FLT3: variants seen among roughly 807,000 people sequenced by gnomAD.
FLT3 encodes receptor-type tyrosine-protein kinase FLT3.
Under a neutral mutation model 126.6 loss-of-function variants are expected in FLT3, and 46 were observed. The ratio of observed to expected loss-of-function variants is 0.36; its 90% CI spans 0.29 to 0.46. The LOEUF is 0.46. Ranked by LOEUF, FLT3 falls within the 20% of genes least tolerant of loss-of-function variation. FLT3 has a pLI of 1.00. For synonymous variants in FLT3, 404 were observed against 434.4 expected (o/e 0.93, Z 0.87); for missense variants, 1,069 against 1,190.3 (o/e 0.90, Z 1.50).
At chr13:28,045,630 C>A (rs1038075072) in intron 9 of FLT3, among the ~76,000 whole-genome samples, 4 of 152,048 alleles carry the variant, frequency 2.6e-5, no homozygotes, top group African/African-American at 9.7e-5. Context: ...GAGGCTGAGG[C>A]GGTTGGATCA....
rs531732744 is a variant in FLT3, at chr13:28,086,042, C to T, written c.43+14426G>A. On this transcript the variant is annotated intron_variant, in intron 1 of 23. Transcript: ENST00000241453. ...TTTTCTTTAGCCAAATCTGAAACTTCTGCTTTTTAATTATGATATTTAGAT... is the reference window on the plus strand; with the variant it reads ...TTTTCTTTAGCCAAATCTGAAACTTTTGCTTTTTAATTATGATATTTAGAT... Among the ~76,000 whole-genome samples, 3 of 152,268 alleles carry T rather than the reference C, an allele frequency of 2.0e-5. No individual in the cohort carries two copies. In the South Asian group the frequency reaches 6.2e-4, roughly 32 times the overall value.
At chr13:28,034,962 G>T (rs1329410912) in intron 12 of FLT3, among the ~76,000 whole-genome samples, 2 of 150,614 alleles carry the variant, frequency 1.3e-5, no homozygotes, top group East Asian at 1.9e-4. Flanking sequence ...AAAATGCATG[G>T]ATTTAAACCT....
Position 28,034,307 on chromosome 13 carries a change from G to A in FLT3, c.1698C>T (p.Tyr566=). 13 of 1,613,222 alleles carry A rather than the reference G, an allele frequency of 8.1e-6. No individual in the cohort carries two copies. Among genetic ancestry groups the A allele is most frequent in the South Asian group, 1.1e-5 (1 of 91,028 alleles). The change falls in exon 13 of 24, where the codon TAC becomes TAT. Residue 566 remains tyrosine (Y), a synonymous_variant. Coordinates refer to ENST00000241453, the MANE Select transcript of FLT3 (RefSeq NM_004119.3). ...TTTTTACCTTTGCTTTTACCTTTTTGTACTTGTGACAAATTAGCAGGGTTA... is the reference window on the plus strand; with the variant it reads ...TTTTTACCTTTGCTTTTACCTTTTTATACTTGTGACAAATTAGCAGGGTTA... ...VVLTLLICHK[Y]KKQFRYESQL...
At chr13:28,013,578 G>C (rs928108865) in intron 23 of FLT3, among the ~76,000 whole-genome samples, 4 of 152,198 alleles carry the variant, frequency 2.6e-5, no homozygotes, top group Non-Finnish European at 5.9e-5. Flanking sequence ...TGGTGTTGAT[G>C]GGGGAAGCGT....
At chr13:28,065,222 T>C (rs553756830) in intron 2 of FLT3, among the ~76,000 whole-genome samples, 5 of 152,326 alleles carry the variant, frequency 3.3e-5, no homozygotes, top group African/African-American at 9.6e-5. Flanking sequence ...CAGGGATATG[T>C]AGAAAGAGGG....
At chr13:28,019,732 T>C (rs1223932172) in intron 19 of FLT3, among the ~76,000 whole-genome samples, 1 of 152,172 alleles carries the variant, frequency 6.6e-6, no homozygotes, top group East Asian at 1.9e-4. Context: ...AGTCTCGATC[T>C]GACGGGACCT....
chr13:28,020,277 C>G (rs1468380145), intron 19 of FLT3, among the ~76,000 whole-genome samples: 1 of 152,184 alleles, frequency 6.6e-6, no homozygotes, highest in Non-Finnish European at 1.5e-5. Flanking sequence ...GATCCCTCCC[C>G]TGGGTTCCCA....
intron 2 of FLT3, 73 bp downstream of exon 2, chr13:28,070,418 T>G: frequency 7.7e-7 from 1 of 1,295,992 alleles, no homozygotes; most frequent in Non-Finnish European, 1.1e-6. Flanking sequence ...TTAGCCATGG[T>G]AGGCTTCAAT....
intron 5 of FLT3, 61 bp downstream of exon 5, chr13:28,052,484 T>C (rs574199401): frequency 2.0e-6 from 3 of 1,486,954 alleles, no homozygotes; most frequent in East Asian, 2.3e-5. Flanking sequence ...TGATGTCAAC[T>C]ACATTAGAAA....
chr13:28,054,847 T>C (rs1875864414), intron 4 of FLT3, among the ~76,000 whole-genome samples: 1 of 152,228 alleles, frequency 6.6e-6, no homozygotes, highest in South Asian at 2.1e-4. Flanking sequence ...TAAGTTTATC[T>C]TTTAACATGT....
In FLT3 at chr13:28,057,405, T is replaced by C. The variant is rs748526696; in HGVS notation, c.426A>G (p.Leu142=). 3.2e-5 allele frequency: 51 copies of C among 1,589,890 alleles called. No homozygotes were observed. The African/African-American group carries it at 4.8e-4, about 15-fold the overall frequency. ...KMTETQAGEY[L]LFIQSEATNY... ...TGGTAGCTTCACTCTGAATAAAAAG[T>C]AGGTATTCTCCAGCTTGGGTTTCTG... Residue 142 remains leucine (L), a synonymous_variant, in exon 4 of 24, where the codon CTA becomes CTG. Coordinates refer to ENST00000241453, the MANE Select transcript of FLT3 (RefSeq NM_004119.3).
In FLT3 at chr13:28,070,854, G is replaced by A. The variant is rs146154160; in HGVS notation, c.44-242C>T. On this transcript the variant is annotated intron_variant, in intron 1 of 23. Coordinates refer to ENST00000241453, the MANE Select transcript of FLT3 (RefSeq NM_004119.3). ...GATGGACATGTTCTATGCCTGTGCTGTCTAATATGGTAGCGACTAGCTACA... is the reference window on the plus strand; with the variant it reads ...GATGGACATGTTCTATGCCTGTGCTATCTAATATGGTAGCGACTAGCTACA... Among the ~76,000 whole-genome samples the A allele has an allele frequency of 1.1e-4, 17 of 152,262 alleles. No individual in the cohort carries two copies. In the East Asian group the frequency reaches 2.7e-3, roughly 24 times the overall value.
rs546046093 is a variant in FLT3 at position 28,050,038 on chromosome 13, T to C, written c.742+57A>G. The C allele has an allele frequency of 6.3e-5, 100 of 1,587,642 alleles. No individual in the cohort carries two copies. The African/African-American group carries it at 1.3e-3, about 20-fold the overall frequency. On this transcript the variant is annotated intron_variant, in intron 6 of 23. Transcript: ENST00000241453. ...CACCTACGCAGTTACTGTTAGTCCCTGATAGTTGCTAAGAACCGGTCACTG... is the reference window on the plus strand; with the variant it reads ...CACCTACGCAGTTACTGTTAGTCCCCGATAGTTGCTAAGAACCGGTCACTG...
chr13:28,013,783 T>C (rs1401163813), intron 23 of FLT3, among the ~76,000 whole-genome samples: 1 of 152,208 alleles, frequency 6.6e-6, no homozygotes, highest in African/African-American at 2.4e-5. Flanking sequence ...CCATATAGCA[T>C]GATTGAGTCA....
intron 23 of FLT3, among the ~76,000 whole-genome samples, chr13:28,010,993 ACT>A (rs1871303458): frequency 1.3e-5 from 2 of 149,482 alleles, no homozygotes; most frequent in South Asian, 2.1e-4. Flanking sequence ...ACGGAGTGAG[ACT>A]CTGTCTAAAA....
chr13:28,100,063 G>A lies in FLT3; in HGVS notation c.43+405C>T, dbSNP rs1027609695. ...CAGGTGTCTACAGTATCCAAGGGCC[G>A]GGCCAGGAGAGGTCCTTGGCCACCT... On this transcript the variant is annotated intron_variant, in intron 1 of 23. Transcript: ENST00000241453. The surrounding 1 kb of genome is among the most constrained non-coding windows in gnomAD (Gnocchi z 4.8). 6.6e-6 allele frequency among the ~76,000 whole-genome samples: 1 copy of A among 152,114 alleles called. No individual in the cohort carries two copies. Among genetic ancestry groups the A allele is most frequent in the African/African-American group, 2.4e-5 (1 of 41,438 alleles).
chr13:28,043,480 A>G (rs1874565903), intron 9 of FLT3, among the ~76,000 whole-genome samples: 1 of 152,190 alleles, frequency 6.6e-6, no homozygotes, highest in South Asian at 2.1e-4. Context: ...AAGTTTTTTC[A>G]GGGGTAGTGT....
rs565606567 is a variant in FLT3, at chr13:28,052,561, C to T, written c.598G>A (p.Asp200Asn). The stretch of plus-strand genomic sequence containing the variant: ...GTGTCATACCTTTCCCCCTGTGAAT[C>T]GCAAAGCACCCATTCCACGATCGGC... ...PEPIVEWVLC[D>N]SQGESCKEES... The change falls in exon 5 of 24, where the codon GAT becomes AAT. Residue 200 changes from aspartate to asparagine, a missense_variant. Coordinates refer to ENST00000241453, the MANE Select transcript of FLT3 (RefSeq NM_004119.3). 44 of 1,612,748 alleles carry T rather than the reference C, an allele frequency of 2.7e-5. 2 individuals are homozygous for T. The Admixed American group carries it at 4.5e-4, about 17-fold the overall frequency.
chr13:28,054,325 CAT>C (rs966820060), intron 4 of FLT3, among the ~76,000 whole-genome samples: 9 of 151,406 alleles, frequency 5.9e-5, no homozygotes, highest in South Asian at 4.2e-4. Flanking sequence ...ATTAATTTAA[CAT>C]GTGTTAAAAT....
Sources: allele counts gnomAD v4.1 joint callset (sites outside exome capture counted in the v4.1 genomes callset), GRCh38; gene constraint gnomAD v4.1.1; non-coding constraint Gnocchi (gnomAD v3.1); transcripts MANE v1.5; gene names NCBI Gene and HGNC (gene_info 2026-07-23, HGNC 2026-07-21).